The following ARID1B variants were observed in gnomAD, a reference collection of about 807,000 sequenced individuals.
The protein encoded by ARID1B is AT-rich interaction domain 1B.
A neutral mutation model predicts 212.3 loss-of-function variants in ARID1B; 30 were observed. The observed-to-expected ratio is 0.14, with a 90% CI of 0.11 to 0.19. The LOEUF (loss-of-function observed/expected upper bound fraction) is 0.19. ARID1B is among the 10% of genes least tolerant of loss of function. The pLI, the probability that ARID1B is intolerant of heterozygous loss-of-function variation, is 1.00. For synonymous variants in ARID1B, 1,402 were observed against 1,301.7 expected (o/e 1.08, Z -1.66); for missense variants, 2,891 against 3,204.0 (o/e 0.90, Z 2.36).
chr6:157,197,198 T>C (rs1373773495), intron 16 of ARID1B, among the ~76,000 whole-genome samples: 1 of 152,224 alleles, frequency 6.6e-6, no homozygotes, highest in Non-Finnish European at 1.5e-5. Flanking sequence ...TTTCATATAA[T>C]ATTTCAGATT....
rs1340148811 is a variant in ARID1B, at chr6:157,200,242, C to T, written c.4480-463C>T. 6.6e-6 allele frequency among the ~76,000 whole-genome samples: 1 copy of T among 152,122 alleles called. No individual in the cohort carries two copies. Among genetic ancestry groups the T allele is most frequent in the Admixed American group, 6.5e-5 (1 of 15,282 alleles). ...GGTGACACGGGCCAGTCTGGGGAGC[C>T]GAGTCCTGTTCGGGGGCTTTTCTGT... On this transcript the variant is annotated intron_variant, in intron 17 of 19. Coordinates refer to ENST00000636930, the MANE Select transcript of ARID1B (RefSeq NM_001374828.1). The surrounding 1 kb of genome is among the most constrained non-coding windows in gnomAD (Gnocchi z 4.3).
chr6:157,203,430 G>T lies in ARID1B; in HGVS notation c.5264-436G>T, dbSNP rs1448327384. 6.6e-6 allele frequency among the ~76,000 whole-genome samples: 1 copy of T among 152,178 alleles called. No individual in the cohort carries two copies. The highest frequency in any genetic ancestry group is 1.5e-5 in the Non-Finnish European group (1 of 68,036). Reference sequence around the variant, plus strand: ...GAGTTAAATTTTGCTTCCATGTTCTGCATACTTGGCGGCCTTCCAGGACGC... The same window carrying T: ...GAGTTAAATTTTGCTTCCATGTTCTTCATACTTGGCGGCCTTCCAGGACGC... On this transcript the variant is annotated intron_variant, in intron 18 of 19. Transcript: ENST00000636930. The surrounding 1 kb of genome is among the most constrained non-coding windows in gnomAD (Gnocchi z 4.4).
At chr6:156,982,111 C>T (rs546326128) in intron 4 of ARID1B, among the ~76,000 whole-genome samples, 2 of 151,892 alleles carry the variant, frequency 1.3e-5, no homozygotes, top group African/African-American at 4.8e-5. Flanking sequence ...CTGCGCACAT[C>T]TTTCAGTAGC....
chr6:156,902,784 G>A (rs1333238026), intron 3 of ARID1B, among the ~76,000 whole-genome samples: 2 of 148,164 alleles, frequency 1.3e-5, no homozygotes, highest in Admixed American at 6.8e-5. Flanking sequence ...GGGGTTTGTA[G>A]CAGTAGGAAT....
intron 4 of ARID1B, among the ~76,000 whole-genome samples, chr6:157,039,137 A>G (rs528176998): frequency 2.6e-4 from 40 of 152,004 alleles, no homozygotes; most frequent in Non-Finnish European, 5.4e-4. Flanking sequence ...CCCAAAGAGT[A>G]GTGTTGGCAT....
At chr6:156,986,720 A>T (rs977553315) in intron 4 of ARID1B, among the ~76,000 whole-genome samples, 1 of 152,168 alleles carries the variant, frequency 6.6e-6, no homozygotes, top group Non-Finnish European at 1.5e-5. Context: ...CACAGACTAC[A>T]GTATAGTTAT....
At chr6:156,960,065 G>A (rs1440868898) in intron 4 of ARID1B, among the ~76,000 whole-genome samples, 1 of 151,848 alleles carries the variant, frequency 6.6e-6, no homozygotes, top group Non-Finnish European at 1.5e-5. Flanking sequence ...TGAGTAGCTG[G>A]GATTACAGGC....
intron 4 of ARID1B, among the ~76,000 whole-genome samples, chr6:157,041,940 C>T (rs574612477): frequency 2.6e-5 from 4 of 152,304 alleles, no homozygotes; most frequent in East Asian, 1.9e-4. Context: ...TGCCTCCTTG[C>T]GCATTTGACC....
rs1032627998 is a variant in ARID1B at position 157,206,061 on chromosome 6, G to A, written c.5395-106G>A. ...AAAAGGGAGACAAACGTGTGACAATGATGGAAAGGTATTGACGGGTCTCAG... is the reference window on the plus strand; with the variant it reads ...AAAAGGGAGACAAACGTGTGACAATAATGGAAAGGTATTGACGGGTCTCAG... On this transcript the variant is annotated intron_variant, in intron 19 of 19. Coordinates refer to ENST00000636930, the MANE Select transcript of ARID1B (RefSeq NM_001374828.1). The surrounding 1 kb of genome is among the most constrained non-coding windows in gnomAD (Gnocchi z 6.8). 2 of 1,238,172 alleles carry A rather than the reference G, an allele frequency of 1.6e-6. No homozygotes were observed. The highest frequency in any genetic ancestry group is 2.3e-5 in the East Asian group (1 of 42,928). The allele number at this position is 1,238,172 out of a possible 1,614,324, so 76.7% of individuals were successfully genotyped here.
rs1793917326 is a variant in ARID1B at position 157,198,818 on chromosome 6, C to A, written c.4390C>A (p.Pro1464Thr). The part of the protein sequence containing the change: ...YGASYDRRHE[P>T]YGQQYPGQGP... Reference sequence around the variant, plus strand: ...TTGAATGCCTCATTCCAGGCATGAACCTTATGGGCAGCAGTATCCAGGCCA... The same window carrying A: ...TTGAATGCCTCATTCCAGGCATGAAACTTATGGGCAGCAGTATCCAGGCCA... The change falls in exon 17 of 20, where the codon CCT (proline) becomes ACT (threonine). Residue 1464 changes from proline (P) to threonine (T), a missense_variant. Pro to Thr is a conservative substitution (Grantham distance 38). This residue lies in a region of ARID1B where 666 missense variants were observed against 873.5 expected (regional missense o/e 0.76). Transcript: ENST00000636930. The A allele has an allele frequency of 6.2e-7, 1 of 1,611,748 alleles. No individual in the cohort carries two copies. Among genetic ancestry groups the A allele is most frequent in the Non-Finnish European group, 8.5e-7 (1 of 1,178,882 alleles).
rs143678795 is a variant in ARID1B, at chr6:156,854,589, G to A, written c.1986+25168G>A. Reference sequence around the variant, plus strand: ...TTTCAAAATTGACAAAATTGTCTCAGGACTGAGGAAGTGTGGCCTGTTCCA... The same window carrying A: ...TTTCAAAATTGACAAAATTGTCTCAAGACTGAGGAAGTGTGGCCTGTTCCA... On this transcript the variant is annotated intron_variant, in intron 2 of 19. Transcript: ENST00000636930. Among the ~76,000 whole-genome samples the A allele has an allele frequency of 3.2e-3, 495 of 152,312 alleles. 2 individuals are homozygous for A. Among genetic ancestry groups the A allele is most frequent in the African/African-American group, 0.011 (471 of 41,562 alleles).
intron 4 of ARID1B, among the ~76,000 whole-genome samples, chr6:156,987,159 C>CAG (rs56189333): frequency 0.075 from 10,613 of 141,480 alleles, 438 homozygotes; most frequent in African/African-American, 0.11. Context: ...GCCTCGGTGA[C>CAG]AGAGAGAGAG....
intron 6 of ARID1B, among the ~76,000 whole-genome samples, chr6:157,126,243 C>T (rs575124022): frequency 6.6e-6 from 1 of 152,126 alleles, no homozygotes; most frequent in Non-Finnish European, 1.5e-5. Context: ...TCTTATTTGA[C>T]TCTCAGGGTG....
intron 4 of ARID1B, among the ~76,000 whole-genome samples, chr6:157,049,274 G>GA (rs1782437489): frequency 6.6e-6 from 1 of 152,186 alleles, no homozygotes; most frequent in Non-Finnish European, 1.5e-5. Flanking sequence ...GCCAAGGTGG[G>GA]ATGAAGCCTT....
chr6:157,065,680 A>G (rs1007149808), intron 4 of ARID1B, among the ~76,000 whole-genome samples: 1 of 152,260 alleles, frequency 6.6e-6, no homozygotes, highest in Non-Finnish European at 1.5e-5. Context: ...TTCTGAGAGC[A>G]GGTCATATTT....
chr6:157,123,224 C>G (rs1287950218), intron 6 of ARID1B, among the ~76,000 whole-genome samples: 4 of 16,708 alleles, frequency 2.4e-4, no homozygotes, highest in African/African-American at 9.3e-4. Context: ...TTCTTTCTCT[C>G]CCCCCCGCCC....
chr6:157,085,133 T>A (rs1784883587), intron 5 of ARID1B, among the ~76,000 whole-genome samples: 1 of 152,246 alleles, frequency 6.6e-6, no homozygotes, highest in Non-Finnish European at 1.5e-5. Context: ...AATTTCAATT[T>A]GCATATTTAC....
At position 157,200,947 on chromosome 6, in the gene ARID1B, G is replaced by A. The variant is rs774071774; in HGVS notation, c.4722G>A (p.Pro1574=). 33 of 1,613,880 alleles carry A rather than the reference G, an allele frequency of 2.0e-5. 1 individual carries two copies. The highest frequency in any genetic ancestry group is 1.8e-4 in the South Asian group (16 of 91,076). Reference sequence around the variant, plus strand: ...TCCCGCCTCAGATGATGGGCGGCCCGCTGCAGTCGTCCTCCAGTGAGGGGC... The same window carrying A: ...TCCCGCCTCAGATGATGGGCGGCCCACTGCAGTCGTCCTCCAGTGAGGGGC... ...HGIPPQMMGG[P]LQSSSSEGPQ... The change falls in exon 18 of 20, where the codon CCG becomes CCA. Residue 1574 remains proline, a synonymous_variant. Coordinates refer to ENST00000636930, the MANE Select transcript of ARID1B (RefSeq NM_001374828.1). This position sits in a 1 kb window ranked among gnomAD's most constrained non-coding sequence, Gnocchi z 4.3.
chr6:156,978,797 G>C (rs1777421852), intron 4 of ARID1B, among the ~76,000 whole-genome samples: 1 of 152,134 alleles, frequency 6.6e-6, no homozygotes, highest in Admixed American at 6.5e-5. Flanking sequence ...TTACTTTCCA[G>C]TAGACTATAT....
Sources: allele counts gnomAD v4.1 joint callset (sites outside exome capture counted in the v4.1 genomes callset), GRCh38; gene constraint gnomAD v4.1.1; regional missense constraint gnomAD v4.1.1; non-coding constraint Gnocchi (gnomAD v3.1); transcripts MANE v1.5; gene names NCBI Gene and HGNC (gene_info 2026-07-23, HGNC 2026-07-21).